Variants in USP34 observed in about 807,000 individuals in gnomAD.
USP34 encodes the protein ubiquitin carboxyl-terminal hydrolase 34.
USP34 carries 70 observed loss-of-function variants against 460.3 expected under a neutral mutation model. The ratio of observed to expected loss-of-function variants is 0.15; its 90% CI spans 0.13 to 0.19. The LOEUF (loss-of-function observed/expected upper bound fraction) is 0.19. USP34 is among the 10% of genes least tolerant of loss of function. USP34 has a pLI of 1.00. For synonymous variants in USP34, 1,647 were observed against 1,405.3 expected (o/e 1.17, Z -3.85); for missense variants, 3,985 against 4,236.2 (o/e 0.94, Z 1.65).
intron 10 of USP34, among the ~76,000 whole-genome samples, chr2:61,366,294 G>A (rs574197993): frequency 5.3e-5 from 8 of 152,226 alleles, no homozygotes; most frequent in Admixed American, 1.3e-4. Context: ...GAAAGCTATA[G>A]AGGAGGTAGG....
intron 20 of USP34, among the ~76,000 whole-genome samples, chr2:61,327,713 G>A (rs1415793830): frequency 1.3e-5 from 2 of 152,118 alleles, no homozygotes; most frequent in East Asian, 3.9e-4. Flanking sequence ...TAGCCCCGAT[G>A]CTGCACTTCA....
intron 41 of USP34, among the ~76,000 whole-genome samples, chr2:61,267,129 T>A (rs972351203): frequency 2.0e-5 from 3 of 152,176 alleles, no homozygotes; most frequent in Admixed American, 2.0e-4. Flanking sequence ...AGACAACCCT[T>A]GGTTAAGTTG....
In USP34 at chr2:61,228,866, A is replaced by G; in HGVS notation, c.7329T>C (p.Phe2443=). ...KPHSKHLTEY[F]AFLYEFAKMG... ...TTTTTGCAAATTCGTAAAGGAAGGC[A>G]AAATACTCTGTAAGATGTTTACTGT... Residue 2443 remains phenylalanine, a synonymous_variant, in exon 60 of 80, where the codon TTT becomes TTC. Transcript: ENST00000398571. 6.2e-7 allele frequency: 1 copy of G among 1,604,620 alleles called. No individual in the cohort carries two copies. Among genetic ancestry groups the G allele is most frequent in the South Asian group, 1.1e-5 (1 of 89,442 alleles).
At chr2:61,351,716 A>G (rs1178950523) in intron 10 of USP34, among the ~76,000 whole-genome samples, 1 of 152,200 alleles carries the variant, frequency 6.6e-6, no homozygotes, top group Non-Finnish European at 1.5e-5. Context: ...TAATACTGAA[A>G]TATAAGGTGA....
chr2:61,386,269 C>G (rs1442648493), intron 5 of USP34, among the ~76,000 whole-genome samples: 16 of 151,974 alleles, frequency 1.1e-4, no homozygotes, highest in Non-Finnish European at 1.5e-5. Context: ...GCCAGGAGTT[C>G]AACACTAACC....
chr2:61,188,379 C>G lies in USP34; in HGVS notation c.10364G>C (p.Cys3455Ser), dbSNP rs376246838. 2.5e-5 allele frequency: 41 copies of G among 1,613,918 alleles called. 2 individuals carry two copies. The highest frequency in any genetic ancestry group is 1.5e-4 in the South Asian group (14 of 91,086). The change falls in exon 80 of 80, where the codon TGT becomes TCT. Residue 3455 changes from cysteine to serine, a missense_variant. Coordinates refer to ENST00000398571, the MANE Select transcript of USP34 (RefSeq NM_014709.4). ...CTCAGCTAGGGTAGAATCCTTGGAACAGTGGAGGTCTTTAAATTCTTTACA... is the reference window on the plus strand; with the variant it reads ...CTCAGCTAGGGTAGAATCCTTGGAAGAGTGGAGGTCTTTAAATTCTTTACA... ...DDCKEFKDLHCSKDSTLAEEE... is the reference protein window; with the variant it reads ...DDCKEFKDLHSSKDSTLAEEE...
chr2:61,441,628 G>A (rs1558596615), intron 1 of USP34, among the ~76,000 whole-genome samples: 1 of 151,612 alleles, frequency 6.6e-6, no homozygotes, highest in East Asian at 1.9e-4. Context: ...AACAGGCACA[G>A]AAATGCGTAA....
At chr2:61,437,814 T>TAAATAAATTAAA (rs1191482540) in intron 1 of USP34, among the ~76,000 whole-genome samples, 145 of 150,114 alleles carry the variant, frequency 9.7e-4, no homozygotes, top group Non-Finnish European at 1.6e-3. Context: ...AATAAATAAA[T>TAAATAAATTAAA]AAAAAACCTG....
At chr2:61,466,484 A>C (rs909657998) in intron 1 of USP34, among the ~76,000 whole-genome samples, 1 of 152,220 alleles carries the variant, frequency 6.6e-6, no homozygotes, top group Non-Finnish European at 1.5e-5. Context: ...GAATGTTCCC[A>C]AAGCAAATGC....
intron 75 of USP34, among the ~76,000 whole-genome samples, chr2:61,199,005 T>C (rs546037816): frequency 2.6e-5 from 4 of 152,186 alleles, no homozygotes; most frequent in Admixed American, 6.5e-5. Flanking sequence ...TCCTAAAAAT[T>C]TGGTATATAT....
intron 68 of USP34, among the ~76,000 whole-genome samples, chr2:61,212,548 A>C (rs531614030): frequency 2.6e-5 from 4 of 152,200 alleles, no homozygotes; most frequent in Non-Finnish European, 5.9e-5. Flanking sequence ...CTGATGAATA[A>C]AAAGTAAAAA....
Position 61,262,018 on chromosome 2 carries a change from G to A in USP34, c.5779-2242C>T, listed in dbSNP as rs1688894794. Among the ~76,000 whole-genome samples the A allele has an allele frequency of 4.1e-5, 6 of 144,884 alleles. No individual in the cohort carries two copies. In the Admixed American group the frequency reaches 4.3e-4, roughly 10 times the overall value. ...AGGCAGGAGAACTGCCGGAACCCAG[G>A]AGGCAGAGGTTGCAGTGAGCCAAGA... On this transcript the variant is annotated intron_variant, in intron 43 of 79. Coordinates refer to ENST00000398571, the MANE Select transcript of USP34 (RefSeq NM_014709.4).
At chr2:61,366,599 G>C (rs561018722) in intron 10 of USP34, among the ~76,000 whole-genome samples, 1 of 152,262 alleles carries the variant, frequency 6.6e-6, no homozygotes, top group Admixed American at 6.5e-5. Context: ...TGAAATGAAA[G>C]CTTGATGAGA....
rs766585029 is a variant in USP34 at position 61,420,784 on chromosome 2, A to G, written c.93T>C (p.Thr31=). Residue 31 remains threonine, a synonymous_variant, in exon 2 of 80, where the codon ACT becomes ACC. Coordinates refer to ENST00000398571, the MANE Select transcript of USP34 (RefSeq NM_014709.4). Reference sequence around the variant, plus strand: ...AATTGATATAAGTAAATATTTTGAGAGTATGTTCCTTTCTGAGCTGCAGTC... The same window carrying G: ...AATTGATATAAGTAAATATTTTGAGGGTATGTTCCTTTCTGAGCTGCAGTC... ...GDGLQLRKEH[T]LKIFTYINSW... 5 of 1,611,418 alleles carry G rather than the reference A, an allele frequency of 3.1e-6. No homozygotes were observed. The South Asian group carries it at 4.4e-5, about 14-fold the overall frequency.
At position 61,331,169 on chromosome 2, in the gene USP34, C is replaced by T. The variant is rs1691249375; in HGVS notation, c.2930+107G>A. ...CATAATTTTATACAAATAAAGTTTT[C>T]TGTTACAATTACTTATTATATGAAA... On this transcript the variant is annotated intron_variant, in intron 20 of 79. Coordinates refer to ENST00000398571, the MANE Select transcript of USP34 (RefSeq NM_014709.4). 7 of 920,784 alleles carry T rather than the reference C, an allele frequency of 7.6e-6. No homozygotes were observed. The Admixed American group carries it at 2.2e-4, about 29-fold the overall frequency. 57.0% of individuals were successfully genotyped at this position (920,784 alleles called of 1,614,324 possible). A position where few individuals can be genotyped will look rare whatever the true frequency, so the allele number is the denominator to read the frequency against.
At chr2:61,408,033 T>C (rs1322282613) in intron 2 of USP34, among the ~76,000 whole-genome samples, 4 of 152,106 alleles carry the variant, frequency 2.6e-5, no homozygotes, top group Non-Finnish European at 5.9e-5. Context: ...GAGAATCACT[T>C]GAACCGGGGA....
At chr2:61,209,952 A>T (rs551875153) in intron 69 of USP34, among the ~76,000 whole-genome samples, 11 of 152,164 alleles carry the variant, frequency 7.2e-5, no homozygotes, top group Non-Finnish European at 1.3e-4. Flanking sequence ...AAAGAAAAAA[A>T]ATTTAAATAT....
At chr2:61,452,643 G>A (rs1239821734) in intron 1 of USP34, among the ~76,000 whole-genome samples, 1 of 151,568 alleles carries the variant, frequency 6.6e-6, no homozygotes, top group African/African-American at 2.4e-5. Flanking sequence ...CAGCACTTTG[G>A]AAGGCCAAGA....
intron 29 of USP34, among the ~76,000 whole-genome samples, chr2:61,297,835 C>T (rs938727481): frequency 7.2e-5 from 11 of 152,086 alleles, no homozygotes; most frequent in African/African-American, 2.4e-4. Flanking sequence ...CTCCGCCTCC[C>T]GGGTTCAAGC....
Sources: allele counts gnomAD v4.1 joint callset (sites outside exome capture counted in the v4.1 genomes callset), GRCh38; gene constraint gnomAD v4.1.1; transcripts MANE v1.5; gene names NCBI Gene and HGNC (gene_info 2026-07-23, HGNC 2026-07-21).